The following NCOR1 variants were observed in gnomAD, a reference collection of about 807,000 sequenced individuals.
The protein encoded by NCOR1 is protein phosphatase 1, regulatory subunit 109.
Under a neutral mutation model 288.1 loss-of-function variants are expected in NCOR1, and 63 were observed. The ratio of observed to expected loss-of-function variants is 0.22; its 90% CI spans 0.18 to 0.27. NCOR1 has a LOEUF of 0.27. Ranked by LOEUF, NCOR1 falls within the 10% of genes least tolerant of loss-of-function variation. The probability of loss-of-function intolerance (pLI) is 1.00; values close to 1 mark genes in which losing one functional copy is unlikely to be tolerated. For missense variants in NCOR1, 2,397 were observed against 3,019.2 expected (o/e 0.79, Z 4.83); for synonymous variants, 1,007 against 1,065.9 (o/e 0.94, Z 1.08).
chr17:16,097,776 T>C (rs1032662734), intron 21 of NCOR1, among the ~76,000 whole-genome samples: 1 of 152,152 alleles, frequency 6.6e-6, no homozygotes, highest in African/African-American at 2.4e-5. Context: ...GTCGGAGGAA[T>C]CCCCAGTCTG....
Position 16,092,072 on chromosome 17 carries a change from A to G in NCOR1, c.2821-14T>C, listed in dbSNP as rs1184504375. 6.2e-7 allele frequency: 1 copy of G among 1,610,876 alleles called. No homozygotes were observed. Among genetic ancestry groups the G allele is most frequent in the East Asian group, 2.2e-5 (1 of 44,838 alleles). On this transcript the variant is annotated splice_polypyrimidine_tract_variant and intron_variant, in intron 21 of 45. Transcript: ENST00000268712. ...GGTGCAGGATACCTATAGGAAGAAAATAAATCGAAATATGCAAACAACCAA... is the reference window on the plus strand; with the variant it reads ...GGTGCAGGATACCTATAGGAAGAAAGTAAATCGAAATATGCAAACAACCAA...
At chr17:16,067,843 T>C (rs1438643836) in intron 32 of NCOR1, 51 bp downstream of exon 32, 1 of 1,504,316 alleles carries the variant, frequency 6.6e-7, no homozygotes, top group African/African-American at 1.4e-5. Flanking sequence ...TGAAAAGTCA[T>C]ACTGGTGGCA....
intron 1 of NCOR1, among the ~76,000 whole-genome samples, chr17:16,197,795 T>C (rs2090110345): frequency 6.6e-6 from 1 of 152,166 alleles, no homozygotes; most frequent in Non-Finnish European, 1.5e-5. Context: ...AAAGCCAGCA[T>C]GTGGCATCGT....
chr17:16,096,731 G>A (rs913754382), intron 21 of NCOR1, among the ~76,000 whole-genome samples: 1 of 152,132 alleles, frequency 6.6e-6, no homozygotes, highest in Non-Finnish European at 1.5e-5. Flanking sequence ...CTCAAAGTTA[G>A]ACTCAGCATC....
At chr17:16,075,851 G>C in intron 26 of NCOR1, 149 bp from the exon 27 acceptor site, 4 of 815,106 alleles carry the variant, frequency 4.9e-6, no homozygotes, top group Non-Finnish European at 7.5e-6. Flanking sequence ...ATTAGACATT[G>C]AATTTTTATC....
At chr17:16,035,192 C>T (rs1305462896) in intron 44 of NCOR1, among the ~76,000 whole-genome samples, 2 of 152,142 alleles carry the variant, frequency 1.3e-5, no homozygotes, top group African/African-American at 4.8e-5. Flanking sequence ...ATCTGCATGG[C>T]GGTTGCCAAA....
Position 16,104,285 on chromosome 17 carries a change from AT to A in NCOR1, c.2183-2529del, listed in dbSNP as rs1207757802. On this transcript the variant is annotated intron_variant, in intron 19 of 45. Coordinates refer to ENST00000268712, the MANE Select transcript of NCOR1 (RefSeq NM_006311.4). ...CTAAGTAACCGTCTGGGAAAAAAAA[AT>A]ATTTTTTAATTGTATATAATAGACA... is the stretch of plus-strand genomic sequence containing the variant. Among the ~76,000 whole-genome samples, 22 of 152,344 alleles carry A rather than the reference AT, an allele frequency of 1.4e-4. No individual in the cohort carries two copies. In the East Asian group the frequency reaches 3.3e-3, roughly 23 times the overall value.
At chr17:16,090,965 C>T (rs2065073345) in intron 22 of NCOR1, among the ~76,000 whole-genome samples, 1 of 152,176 alleles carries the variant, frequency 6.6e-6, no homozygotes, top group South Asian at 2.1e-4. Flanking sequence ...CTAAGCATAT[C>T]GTAGCATATA....
intron 40 of NCOR1, among the ~76,000 whole-genome samples, chr17:16,056,799 CATG>C (rs1391642352): frequency 2.0e-5 from 3 of 152,202 alleles, no homozygotes; most frequent in Middle Eastern, 6.8e-3. Flanking sequence ...TGTTTCCACT[CATG>C]ATGCCACTAT....
At chr17:16,157,174 T>G (rs1945446322) in intron 6 of NCOR1, among the ~76,000 whole-genome samples, 2 of 152,160 alleles carry the variant, frequency 1.3e-5, no homozygotes. Context: ...CCCCATTATT[T>G]TGGGCTTTTC....
At chr17:16,152,086 G>T in intron 7 of NCOR1, 88 bp from the exon 8 acceptor site, 1 of 749,218 alleles carries the variant, frequency 1.3e-6, no homozygotes, top group Admixed American at 3.0e-5. Context: ...GTAAGCACAG[G>T]TAAAGTACTA....
chr17:16,184,132 A>T (rs1389231032), intron 3 of NCOR1, among the ~76,000 whole-genome samples: 1 of 152,230 alleles, frequency 6.6e-6, no homozygotes, highest in Non-Finnish European at 1.5e-5. Context: ...AAGTCCTGCA[A>T]GAGAACGTAG....
rs951906669 is a variant in NCOR1 at position 16,058,532 on chromosome 17, C to T, written c.5949G>A (p.Ala1983=). 25 of 1,614,026 alleles carry T rather than the reference C, an allele frequency of 1.5e-5. No homozygotes were observed. The highest frequency in any genetic ancestry group is 2.0e-5 in the Non-Finnish European group (24 of 1,179,968). The change falls in exon 38 of 46, where the codon GCG becomes GCA. Residue 1983 remains alanine (A), a synonymous_variant. Coordinates refer to ENST00000268712, the MANE Select transcript of NCOR1 (RefSeq NM_006311.4). Reference sequence around the variant, plus strand: ...AGGTCTGCAGTTTCTCCTGGGGTGGCGCAGGTGAGCTGGCAGGACTTATCA... The same window carrying T: ...AGGTCTGCAGTTTCTCCTGGGGTGGTGCAGGTGAGCTGGCAGGACTTATCA... The part of the protein sequence containing the change: ...IEVISPASSP[A]PPQEKLQTYQ...
At chr17:16,197,982 T>A (rs2090142910) in intron 1 of NCOR1, among the ~76,000 whole-genome samples, 1 of 151,994 alleles carries the variant, frequency 6.6e-6, no homozygotes. Flanking sequence ...ATCCTACACA[T>A]ACATACACTC....
chr17:16,120,128 T>A (rs2072675482), intron 16 of NCOR1, among the ~76,000 whole-genome samples: 1 of 152,188 alleles, frequency 6.6e-6, no homozygotes, highest in Non-Finnish European at 1.5e-5. Context: ...AGACTAATTT[T>A]TGAATCTTGC....
chr17:16,201,641 G>A (rs1006360801), intron 1 of NCOR1, among the ~76,000 whole-genome samples: 1 of 152,088 alleles, frequency 6.6e-6, no homozygotes, highest in Non-Finnish European at 1.5e-5. Context: ...AAAGAAAAAT[G>A]ATGCTATTTT....
intron 14 of NCOR1, among the ~76,000 whole-genome samples, chr17:16,129,047 T>C (rs2075199617): frequency 2.6e-5 from 4 of 152,222 alleles, no homozygotes; most frequent in Admixed American, 2.6e-4. Context: ...AGTGATTGCA[T>C]CACATGGCTC....
At chr17:16,156,473 AAAAAG>A (rs1182069808) in intron 6 of NCOR1, among the ~76,000 whole-genome samples, 5 of 151,628 alleles carry the variant, frequency 3.3e-5, no homozygotes, top group African/African-American at 4.8e-5. Context: ...AAGCGAAAAA[AAAAAG>A]AAAAGAAAAG....
intron 2 of NCOR1, among the ~76,000 whole-genome samples, chr17:16,189,215 G>A (rs994321627): frequency 7.2e-5 from 11 of 151,980 alleles, no homozygotes; most frequent in African/African-American, 2.7e-4. Context: ...CCAACTTGGC[G>A]AAACCCCGTG....
Sources: gnomAD v4.1 joint callset for allele counts (sites outside exome capture counted in the v4.1 genomes callset) on GRCh38, gnomAD v4.1.1 for gene constraint, MANE v1.5 for transcripts, NCBI Gene and HGNC (gene_info 2026-07-23, HGNC 2026-07-21) for gene names.